RALYL: variants seen among roughly 807,000 people sequenced by gnomAD.
RALYL encodes RNA-binding Raly-like protein.
RALYL carries 29 observed loss-of-function variants against 35.1 expected under a neutral mutation model. The observed-to-expected ratio is 0.83, with a 90% CI of 0.61 to 1.13. RALYL has a LOEUF of 1.13. RALYL is among the 50% of genes most tolerant of loss of function. The probability of loss-of-function intolerance (pLI) is 0.00; values close to 1 mark genes in which losing one functional copy is unlikely to be tolerated. For missense variants in RALYL, 359 were observed against 360.4 expected, an observed-to-expected ratio of 1.00 and a Z score of 0.03; for synonymous variants, 120 against 127.6, an observed-to-expected ratio of 0.94 and a Z score of 0.40.
intron 4 of RALYL, among the ~76,000 whole-genome samples, chr8:84,832,109 G>T (rs113296767): frequency 2.0e-5 from 3 of 152,134 alleles, no homozygotes; most frequent in Admixed American, 6.5e-5. Flanking sequence ...ATTTGAATAC[G>T]TTTACTGTTT....
At chr8:84,886,510 GGATA>G (rs1426632401) in intron 7 of RALYL, among the ~76,000 whole-genome samples, 2 of 151,770 alleles carry the variant, frequency 1.3e-5, no homozygotes, top group Non-Finnish European at 2.9e-5. Flanking sequence ...TCAGATCAAA[GGATA>G]GATTAATCAT....
At chr8:84,246,860 A>G (rs1829204601) in intron 1 of RALYL, among the ~76,000 whole-genome samples, 2 of 152,164 alleles carry the variant, frequency 1.3e-5, no homozygotes, top group African/African-American at 4.8e-5. Context: ...GCAAAAAAAA[A>G]GTGATCATCC....
intron 2 of RALYL, among the ~76,000 whole-genome samples, chr8:84,578,094 G>A (rs371615940): frequency 1.3e-5 from 2 of 152,206 alleles, no homozygotes; most frequent in Non-Finnish European, 2.9e-5. Context: ...TGCCAAGGGT[G>A]AGCCAGGCAC....
intron 2 of RALYL, among the ~76,000 whole-genome samples, chr8:84,757,192 GTTAA>G (rs1445717006): frequency 6.6e-6 from 1 of 152,062 alleles, no homozygotes; most frequent in Non-Finnish European, 1.5e-5. Context: ...ATTATCTGCT[GTTAA>G]TTAAACTCAG....
At chr8:84,575,621 C>T (rs1380897664) in intron 2 of RALYL, among the ~76,000 whole-genome samples, 2 of 152,092 alleles carry the variant, frequency 1.3e-5, no homozygotes, top group African/African-American at 2.4e-5. Flanking sequence ...TAAATGGGAA[C>T]TCTGTGCCTT....
rs77685434 is a variant in RALYL at position 84,697,031 on chromosome 8, T to C, written c.257-77548T>C. On this transcript the variant is annotated intron_variant, in intron 2 of 8. Coordinates refer to ENST00000521268, the MANE Select transcript of RALYL (RefSeq NM_173848.7). ...GCTGAAGTAGCTCATCAATGTAGTG[T>C]AATTATAACTAAATAGGAACAGGAA... Among the ~76,000 whole-genome samples the C allele has an allele frequency of 3.8e-3, 574 of 152,090 alleles. 4 individuals carry two copies. Among genetic ancestry groups the C allele is most frequent in the African/African-American group, 0.013 (544 of 41,524 alleles).
At chr8:84,377,397 T>C (rs1857107474) in intron 1 of RALYL, among the ~76,000 whole-genome samples, 1 of 150,940 alleles carries the variant, frequency 6.6e-6, no homozygotes, top group Non-Finnish European at 1.5e-5. Context: ...AAACTGAATA[T>C]ATTCTTTTGG....
rs561631579 is a variant in RALYL at position 84,349,607 on chromosome 8, A to G, written c.-24+165183A>G. On this transcript the variant is annotated intron_variant, in intron 1 of 8. Coordinates refer to ENST00000521268, the MANE Select transcript of RALYL (RefSeq NM_173848.7). Reference sequence around the variant, plus strand: ...ATTTTCTCTCCCCCCACCTACCCTTATATTCAGTCATTATCAGTCATTGTT... The same window carrying G: ...ATTTTCTCTCCCCCCACCTACCCTTGTATTCAGTCATTATCAGTCATTGTT... Among the ~76,000 whole-genome samples the G allele has an allele frequency of 6.0e-5, 9 of 150,412 alleles. 1 individual carries two copies. Among genetic ancestry groups the G allele is most frequent in the African/African-American group, 1.7e-4 (7 of 40,510 alleles).
intron 8 of RALYL, among the ~76,000 whole-genome samples, chr8:84,909,243 A>G (rs1241287051): frequency 2.6e-5 from 4 of 152,164 alleles, no homozygotes; most frequent in Admixed American, 6.6e-5. Context: ...ATTTGTTTCT[A>G]TAGAGCAAGT....
chr8:84,532,837 A>C (rs1269785740), intron 2 of RALYL, among the ~76,000 whole-genome samples: 2 of 152,090 alleles, frequency 1.3e-5, no homozygotes, highest in Non-Finnish European at 2.9e-5. Flanking sequence ...AGTTTTATGA[A>C]GACTATAGAT....
At chr8:84,196,695 A>G (rs572013927) in intron 1 of RALYL, among the ~76,000 whole-genome samples, 3 of 152,294 alleles carry the variant, frequency 2.0e-5, no homozygotes, top group East Asian at 1.9e-4. Flanking sequence ...CATGTTTTCA[A>G]ACTCCTTTTG....
chr8:84,249,108 C>T (rs146507347), intron 1 of RALYL, among the ~76,000 whole-genome samples: 267 of 151,434 alleles, frequency 1.8e-3, no homozygotes, highest in East Asian at 5.8e-3. Flanking sequence ...ATTGAGGCAG[C>T]GTAAAACAAT....
At chr8:84,743,898 A>G (rs1807985248) in intron 2 of RALYL, among the ~76,000 whole-genome samples, 3 of 152,086 alleles carry the variant, frequency 2.0e-5, no homozygotes, top group Non-Finnish European at 4.4e-5. Flanking sequence ...TTAAATTCAT[A>G]CAGACAGAAA....
intron 1 of RALYL, among the ~76,000 whole-genome samples, chr8:84,455,368 A>C (rs1239052706): frequency 6.6e-6 from 1 of 152,072 alleles, no homozygotes; most frequent in Non-Finnish European, 1.5e-5. Flanking sequence ...AAAAGGAAAA[A>C]TGAGCTCATT....
intron 1 of RALYL, among the ~76,000 whole-genome samples, chr8:84,323,495 C>A (rs1223380992): frequency 6.6e-6 from 1 of 152,070 alleles, no homozygotes. Flanking sequence ...TTATACTTTC[C>A]TTTGATCTCA....
intron 1 of RALYL, among the ~76,000 whole-genome samples, chr8:84,229,401 A>C (rs2131407022): frequency 6.6e-6 from 1 of 152,342 alleles, no homozygotes; most frequent in Admixed American, 6.5e-5. Flanking sequence ...AATAAAGGAT[A>C]AGCAAGTGCT....
intron 2 of RALYL, among the ~76,000 whole-genome samples, chr8:84,634,782 T>C (rs925778286): frequency 1.3e-5 from 2 of 151,618 alleles, no homozygotes; most frequent in South Asian, 4.2e-4. Context: ...CTTCAAGGAG[T>C]TGGAGGAGGT....
intron 8 of RALYL, among the ~76,000 whole-genome samples, chr8:84,898,265 G>A (rs1480493856): frequency 1.3e-5 from 2 of 152,128 alleles, no homozygotes; most frequent in Non-Finnish European, 2.9e-5. Context: ...GTTTTAACAC[G>A]CATTCTAGGT....
At chr8:84,734,099 T>A (rs1589259309) in intron 2 of RALYL, among the ~76,000 whole-genome samples, 1 of 152,324 alleles carries the variant, frequency 6.6e-6, no homozygotes. Context: ...GCAGACAGAC[T>A]GTAATATGAA....
Sources: allele counts gnomAD v4.1 joint callset (sites outside exome capture counted in the v4.1 genomes callset), GRCh38; gene constraint gnomAD v4.1.1; transcripts MANE v1.5; gene names NCBI Gene and HGNC (gene_info 2026-07-23, HGNC 2026-07-21).